Variants in TTC14 observed in about 807,000 individuals in gnomAD.
TTC14 encodes tetratricopeptide repeat protein 14.
A neutral mutation model predicts 79.9 loss-of-function variants in TTC14; 63 were observed. The observed-to-expected ratio is 0.79, with a 90% confidence interval of 0.64 to 0.97. The LOEUF (loss-of-function observed/expected upper bound fraction) is 0.97, where lower values mean the gene tolerates loss of function less well. Among genes scored for constraint, TTC14 ranks in the 50% least tolerant of loss-of-function variants. The probability of loss-of-function intolerance (pLI) is 0.00; values close to 1 mark genes in which losing one functional copy is unlikely to be tolerated. For synonymous variants in TTC14, 335 were observed against 309.6 expected (o/e 1.08, Z -0.86); for missense variants, 895 against 894.0 (o/e 1.00, Z -0.01).
downstream of TTC14, chr3:180,615,055 A>G (rs1206925122): frequency 6.5e-7 from 1 of 1,547,824 alleles, no homozygotes; most frequent in Non-Finnish European, 8.7e-7. Context: ...TGAGAAGTAG[A>G]TGTACTTGTA....
downstream of TTC14, chr3:180,614,799 G>T: frequency 1.2e-6 from 1 of 840,162 alleles, no homozygotes; most frequent in Non-Finnish European, 1.8e-6. Flanking sequence ...AAAACTATCA[G>T]TTTTTACACT....
chr3:180,605,040 AG>A, intron 6 of TTC14, 33 bp downstream of exon 6: 2 of 1,580,116 alleles, frequency 1.3e-6, no homozygotes, highest in South Asian at 1.1e-5. Context: ...TTAGATGGTG[AG>A]GGGAGTGGCA....
downstream of TTC14, chr3:180,614,378 G>A (rs1717137991): frequency 6.6e-6 from 1 of 150,396 alleles, no homozygotes; most frequent in Non-Finnish European, 1.5e-5. Flanking sequence ...TTTTTTTTGG[G>A]GGGGTGGGGT....
chr3:180,612,622 T>A (rs1293730073), downstream of TTC14, among the ~76,000 whole-genome samples: 1 of 152,094 alleles, frequency 6.6e-6, no homozygotes, highest in Non-Finnish European at 1.5e-5. Context: ...TGGTGGTGCA[T>A]GCCTATAGTC....
chr3:180,605,229 T>C, intron 6 of TTC14: 1 of 389,678 alleles, frequency 2.6e-6, no homozygotes, highest in South Asian at 8.9e-5. Flanking sequence ...AGAAACTTTT[T>C]ATAAGAATTT....
chr3:180,605,635 A>G, intron 6 of TTC14, 131 bp from the exon 7 acceptor site: 1 of 627,956 alleles, frequency 1.6e-6, no homozygotes, highest in South Asian at 2.2e-5. Flanking sequence ...AGATTTTGGT[A>G]TGTAAATAGA....
downstream of TTC14, chr3:180,614,760 A>G: frequency 1.7e-6 from 1 of 580,892 alleles, no homozygotes. Flanking sequence ...AGAAAACAGT[A>G]GAGAAAATGA....
chr3:180,608,457 C>G (rs1716813776), intron 10 of TTC14: 1 of 1,035,632 alleles, frequency 9.7e-7, no homozygotes, highest in South Asian at 4.5e-5. Context: ...ATGGCTTCCC[C>G]TTTTTTTATG....
chr3:180,609,529 G>T, intron 11 of TTC14, 101 bp from the exon 12 acceptor site: 1 of 1,362,254 alleles, frequency 7.3e-7, no homozygotes. Context: ...CTGAACCACA[G>T]CTTTTATAAA....
chr3:180,612,414 C>T (rs1031118003), downstream of TTC14, among the ~76,000 whole-genome samples: 1 of 152,092 alleles, frequency 6.6e-6, no homozygotes, highest in Non-Finnish European at 1.5e-5. Context: ...TCATCCCTTA[C>T]CCCCCTGCCA....
chr3:180,608,876 C>T (rs1269666576), intron 11 of TTC14, 66 bp downstream of exon 11: 2 of 1,314,808 alleles, frequency 1.5e-6, no homozygotes, highest in Non-Finnish European at 9.7e-7. Context: ...AAGTGCCATA[C>T]TGGAGGTAAA....
At chr3:180,616,809 T>C in intron 12 of TTC14, 6 of 1,605,692 alleles carry the variant, frequency 3.7e-6, no homozygotes, top group Non-Finnish European at 5.1e-6. Context: ...AGGTCAGTTT[T>C]TAAAAGATAT....
intron 4 of TTC14, 43 bp downstream of exon 4, chr3:180,604,352 A>T: frequency 6.3e-7 from 1 of 1,586,662 alleles, no homozygotes; most frequent in Non-Finnish European, 8.6e-7. Flanking sequence ...ATGATTGTTG[A>T]ATTTTTGTTT....
At chr3:180,602,766 C>T (rs1716439876) in intron 1 of TTC14, 125 bp from the exon 2 acceptor site, 1 of 1,180,050 alleles carries the variant, frequency 8.5e-7, no homozygotes, top group Admixed American at 2.9e-5. Context: ...AACTTTTTGT[C>T]TGAGGTTGTA....
chr3:180,611,111 A>C lies in TTC14; in HGVS notation c.*569A>C. On this transcript the variant is annotated 3_prime_UTR_variant, in exon 12 of 12. Coordinates refer to ENST00000296015, the MANE Select transcript of TTC14 (RefSeq NM_133462.4). ...TTCCTCTAAAGCCCAATTTGATTAA[A>C]AGTGGTTTGTGAACAGTCATTGGCT... 3 of 985,182 alleles carry C rather than the reference A, an allele frequency of 3.0e-6. No homozygotes were observed. Among genetic ancestry groups the C allele is most frequent in the Non-Finnish European group, 3.6e-6 (3 of 829,748 alleles). The allele number at this position is 985,182 out of a possible 1,614,324, so 61.0% of individuals were successfully genotyped here. A position where few individuals can be genotyped will look rare whatever the true frequency, so the allele number is the denominator to read the frequency against.
In TTC14 at chr3:180,610,538, A is replaced by C. The variant is rs750773777; in HGVS notation, c.2309A>C (p.Asn770Thr). ...FEKEKGNKSK[N>T] is the part of the protein sequence containing the mutation. Reference sequence around the variant, plus strand: ...AAAGAAAAAGGAAATAAGTCAAAAAATTAATACACCAAGGATATCGGCACC... The same window carrying C: ...AAAGAAAAAGGAAATAAGTCAAAAACTTAATACACCAAGGATATCGGCACC... The change falls in exon 12 of 12, where the codon AAT becomes ACT. Residue 770 changes from asparagine to threonine, a missense_variant. Physicochemically the swap from Asn to Thr is moderately conservative, Grantham distance 65. Transcript: ENST00000296015. 1.3e-5 allele frequency: 20 copies of C among 1,565,668 alleles called. No individual in the cohort carries two copies. In the East Asian group the frequency reaches 1.8e-4, roughly 14 times the overall value.
chr3:180,609,507 T>A, intron 11 of TTC14, 123 bp from the exon 12 acceptor site: 2 of 1,337,326 alleles, frequency 1.5e-6, no homozygotes, highest in Non-Finnish European at 1.9e-6. Context: ...CCGAGATTAT[T>A]GTATCATTTA....
rs368414929 is a variant in TTC14, at chr3:180,607,964, CTG to C, written c.1290+202_1290+203del. On this transcript the variant is annotated intron_variant, in intron 10 of 11. Coordinates refer to ENST00000296015, the MANE Select transcript of TTC14 (RefSeq NM_133462.4). ...TGTCCATAATCGAAAGTAAAGATAG[CTG>C]TGAGAAAACTATTACCTAAATTTGG... 71 of 1,321,874 alleles carry C rather than the reference CTG, an allele frequency of 5.4e-5. No homozygotes were observed. In the African/African-American group the frequency reaches 1.0e-3, roughly 19 times the overall value. The allele number at this position is 1,321,874 out of a possible 1,614,324, so 81.9% of individuals were successfully genotyped here.
Position 180,610,116 on chromosome 3 carries a change from C to T in TTC14, c.1887C>T (p.Ser629=). 6.2e-7 allele frequency: 1 copy of T among 1,613,030 alleles called. No homozygotes were observed. The highest frequency in any genetic ancestry group is 8.5e-7 in the Non-Finnish European group (1 of 1,179,718). The change falls in exon 12 of 12, where the codon TCC becomes TCT. Residue 629 remains serine, a synonymous_variant. Transcript: ENST00000296015. The part of the protein sequence containing the change: ...SERHFSSRRN[S]SDSFCRNSED... ...GACATTTTTCCAGTAGAAGAAATTC[C>T]TCAGATTCCTTCTGTAGGAATTCAG...
Sources: allele counts gnomAD v4.1 joint callset (sites outside exome capture counted in the v4.1 genomes callset), GRCh38; gene constraint gnomAD v4.1.1; transcripts MANE v1.5; gene names NCBI Gene and HGNC (gene_info 2026-07-23, HGNC 2026-07-21).